The following TTC23 variants were observed in gnomAD, a reference collection of about 807,000 sequenced individuals.
The protein encoded by TTC23 is tetratricopeptide repeat protein 23.
A neutral mutation model predicts 55.1 loss-of-function variants in TTC23; 58 were observed. The ratio of observed to expected loss-of-function variants is 1.05; its 90% confidence interval spans 0.85 to 1.31. The LOEUF (loss-of-function observed/expected upper bound fraction) is 1.31. TTC23 is among the 50% of genes most tolerant of loss of function. The pLI, the probability that TTC23 is intolerant of heterozygous loss-of-function variation, is 0.00. For synonymous variants in TTC23, 203 were observed against 199.9 expected (o/e 1.02, Z -0.13); for missense variants, 516 against 534.4 (o/e 0.97, Z 0.34).
intron 8 of TTC23, among the ~76,000 whole-genome samples, chr15:99,210,555 G>T (rs1187268339): frequency 2.0e-5 from 3 of 152,214 alleles, no homozygotes; most frequent in African/African-American, 7.2e-5. Context: ...AGAGCAGGAT[G>T]TTCTCAGGGA....
intron 3 of TTC23, among the ~76,000 whole-genome samples, chr15:99,237,954 T>G (rs1399098512): frequency 6.6e-6 from 1 of 152,088 alleles, no homozygotes; most frequent in East Asian, 1.9e-4. Context: ...TTGCAACTTG[T>G]TTATTTATTT....
At position 99,156,250 on chromosome 15, in the gene TTC23, T is replaced by C. The variant is rs776611799; in HGVS notation, c.1041A>G (p.Ala347=). 1.1e-5 allele frequency: 17 copies of C among 1,614,122 alleles called. No individual in the cohort carries two copies. The highest frequency in any genetic ancestry group is 1.4e-5 in the Non-Finnish European group (17 of 1,180,060). ...LRESLEAKVE[A]FGDFSPEVAE... ...CCACCTCGGGACTGAAATCGCCAAA[T>C]GCTTCCACTTTGGCTTCCAGGGACT... The change falls in exon 12 of 14, where the codon GCA becomes GCG. Residue 347 remains alanine (A), a synonymous_variant. Coordinates refer to ENST00000394132, the MANE Select transcript of TTC23 (RefSeq NM_001288615.3).
chr15:99,204,244 G>T (rs970550953), intron 8 of TTC23, among the ~76,000 whole-genome samples: 1 of 152,130 alleles, frequency 6.6e-6, no homozygotes, highest in Non-Finnish European at 1.5e-5. Context: ...CATCAGTGAT[G>T]TTGAGTATTT....
chr15:99,166,453 C>T (rs186471226), intron 10 of TTC23, among the ~76,000 whole-genome samples: 6 of 152,232 alleles, frequency 3.9e-5, no homozygotes, highest in Admixed American at 2.0e-4. Flanking sequence ...GACTTACGGA[C>T]GCCCAGTCAT....
chr15:99,227,020 A>G (rs1045845476), intron 5 of TTC23, among the ~76,000 whole-genome samples: 6 of 152,256 alleles, frequency 3.9e-5, no homozygotes, highest in African/African-American at 1.4e-4. Context: ...TTAATTCTTT[A>G]CATTTGTTAA....
Position 99,175,161 on chromosome 15 carries a change from A to C in TTC23, c.760-6T>G. 1 of 1,611,082 alleles carries C rather than the reference A, an allele frequency of 6.2e-7. No homozygotes were observed. The highest frequency in any genetic ancestry group is 2.2e-5 in the East Asian group (1 of 44,876). On this transcript the variant is annotated splice_region_variant and splice_polypyrimidine_tract_variant and intron_variant, in intron 9 of 13. Coordinates refer to ENST00000394132, the MANE Select transcript of TTC23 (RefSeq NM_001288615.3). Reference sequence around the variant, plus strand: ...CTCAGGATGATAAGATGTGCCTGTCACCACAGAAAGAAGAAACATGTTGTT... The same window carrying C: ...CTCAGGATGATAAGATGTGCCTGTCCCCACAGAAAGAAGAAACATGTTGTT...
At chr15:99,183,364 C>T (rs1411501826) in intron 9 of TTC23, among the ~76,000 whole-genome samples, 3 of 151,446 alleles carry the variant, frequency 2.0e-5, no homozygotes, top group Non-Finnish European at 4.4e-5. Flanking sequence ...CTCTGTCACC[C>T]AGGCTGGAGT....
At chr15:99,237,739 T>A (rs1053837432) in intron 3 of TTC23, among the ~76,000 whole-genome samples, 25 of 152,232 alleles carry the variant, frequency 1.6e-4, no homozygotes, top group African/African-American at 6.0e-4. Flanking sequence ...TTTGTGGTGG[T>A]GGATATGCTC....
At chr15:99,156,068 A>G in intron 12 of TTC23, 80 bp downstream of exon 12, 4 of 1,576,926 alleles carry the variant, frequency 2.5e-6, no homozygotes, top group Non-Finnish European at 3.5e-6. Context: ...CATTTAAAAG[A>G]ACCACCACAA....
intron 13 of TTC23, among the ~76,000 whole-genome samples, chr15:99,138,345 ACTCT>A (rs1307382359): frequency 1.3e-5 from 2 of 150,290 alleles, no homozygotes; most frequent in African/African-American, 2.5e-5. Flanking sequence ...ACAGAGTCTC[ACTCT>A]GTCACCCAGG....
At chr15:99,233,632 C>T (rs895067325) in intron 4 of TTC23, among the ~76,000 whole-genome samples, 1 of 152,296 alleles carries the variant, frequency 6.6e-6, no homozygotes, top group East Asian at 1.9e-4. Flanking sequence ...CTACAGCTAA[C>T]ATCAGACTTA....
Position 99,247,182 on chromosome 15 carries a change from G to A in TTC23, c.-430-1672C>T, listed in dbSNP as rs142032123. Among the ~76,000 whole-genome samples, 57 of 152,230 alleles carry A rather than the reference G, an allele frequency of 3.7e-4. No homozygotes were observed. In the East Asian group the frequency reaches 0.011, roughly 29 times the overall value. ...ACAGATCATAAGGAGTGTTGGTGAGGATGTGGACAAATTGGAACCCTCATA... is the reference window on the plus strand; with the variant it reads ...ACAGATCATAAGGAGTGTTGGTGAGAATGTGGACAAATTGGAACCCTCATA... On this transcript the variant is annotated intron_variant, in intron 1 of 13. Coordinates refer to ENST00000394132, the MANE Select transcript of TTC23 (RefSeq NM_001288615.3).
chr15:99,168,978 C>T (rs2072540123), intron 10 of TTC23, among the ~76,000 whole-genome samples: 1 of 152,110 alleles, frequency 6.6e-6, no homozygotes, highest in Admixed American at 6.5e-5. Context: ...ACCCTGGACC[C>T]TAATCCCCTA....
chr15:99,145,633 G>A (rs1162380715), intron 12 of TTC23, among the ~76,000 whole-genome samples: 1 of 152,008 alleles, frequency 6.6e-6, no homozygotes, highest in East Asian at 1.9e-4. Context: ...GTTTGTTTGA[G>A]AGACCACACC....
At chr15:99,231,216 TA>T (rs1176829116) in intron 4 of TTC23, among the ~76,000 whole-genome samples, 1 of 152,258 alleles carries the variant, frequency 6.6e-6, no homozygotes, top group African/African-American at 2.4e-5. Context: ...AAATGACTGT[TA>T]CTGGTTTATA....
chr15:99,234,702 T>C (rs1489756768), intron 4 of TTC23, among the ~76,000 whole-genome samples: 1 of 152,096 alleles, frequency 6.6e-6, no homozygotes, highest in African/African-American at 2.4e-5. Context: ...AACAGACGCT[T>C]CATCAAAGAA....
chr15:99,219,832 T>C (rs2077772055), intron 6 of TTC23, among the ~76,000 whole-genome samples: 1 of 152,196 alleles, frequency 6.6e-6, no homozygotes, highest in Non-Finnish European at 1.5e-5. Context: ...TGTTCTTAGT[T>C]ACACAAAATT....
At chr15:99,162,289 A>G (rs2071477360) in intron 10 of TTC23, among the ~76,000 whole-genome samples, 1 of 152,192 alleles carries the variant, frequency 6.6e-6, no homozygotes, top group Non-Finnish European at 1.5e-5. Context: ...CTTGGTACAT[A>G]TTTCTAAAAC....
intron 12 of TTC23, among the ~76,000 whole-genome samples, chr15:99,145,579 T>A (rs1295353153): frequency 7.7e-6 from 1 of 129,042 alleles, no homozygotes; most frequent in Non-Finnish European, 1.6e-5. Context: ...TGGGGGGAGG[T>A]GGTGGTGGTG....
Sources: allele counts gnomAD v4.1 joint callset (sites outside exome capture counted in the v4.1 genomes callset), GRCh38; gene constraint gnomAD v4.1.1; transcripts MANE v1.5; gene names NCBI Gene and HGNC (gene_info 2026-07-23, HGNC 2026-07-21).